PRKG1: variants seen among roughly 807,000 people sequenced by gnomAD.
PRKG1 encodes cGMP-dependent protein kinase 1.
A neutral mutation model predicts 88.1 loss-of-function variants in PRKG1; 35 were observed. That is an observed-to-expected ratio of 0.40 (90% CI 0.30 to 0.53). The LOEUF (loss-of-function observed/expected upper bound fraction) is 0.53. PRKG1 is among the 20% of genes least tolerant of loss of function. PRKG1 has a pLI of 0.59. For synonymous variants in PRKG1, 303 were observed against 292.5 expected (o/e 1.04, Z -0.37); for missense variants, 540 against 839.8 (o/e 0.64, Z 4.41).
At chr10:51,867,884 A>C (rs1841055147) in intron 4 of PRKG1, among the ~76,000 whole-genome samples, 2 of 152,226 alleles carry the variant, frequency 1.3e-5, no homozygotes, top group African/African-American at 4.8e-5. Flanking sequence ...ACAAACATAC[A>C]CAAAAATTTA....
chr10:51,060,770 A>G (rs544562729), intron 1 of PRKG1, among the ~76,000 whole-genome samples: 2 of 152,252 alleles, frequency 1.3e-5, no homozygotes, highest in East Asian at 1.9e-4. Context: ...ACATTTTATT[A>G]TCTCCTTTAG....
intron 5 of PRKG1, among the ~76,000 whole-genome samples, chr10:52,039,089 C>T (rs1233559870): frequency 1.3e-5 from 2 of 152,136 alleles, no homozygotes; most frequent in Non-Finnish European, 2.9e-5. Flanking sequence ...GGAGGTCCCC[C>T]GATCCGAGTC....
intron 3 of PRKG1, among the ~76,000 whole-genome samples, chr10:51,515,034 C>T (rs756624017): frequency 2.0e-5 from 3 of 152,090 alleles, no homozygotes; most frequent in African/African-American, 7.2e-5. Flanking sequence ...GTAAAGTTGT[C>T]TCTAGATATT....
intron 2 of PRKG1, among the ~76,000 whole-genome samples, chr10:51,180,524 A>C (rs1286273528): frequency 6.6e-6 from 1 of 152,220 alleles, no homozygotes; most frequent in Non-Finnish European, 1.5e-5. Context: ...AACATATATG[A>C]AAATGTAAGT....
chr10:51,094,086 C>T lies in PRKG1; in HGVS notation c.311+19185C>T, dbSNP rs530256324. 7.9e-5 allele frequency among the ~76,000 whole-genome samples: 12 copies of T among 151,976 alleles called. No homozygotes were observed. The East Asian group carries it at 1.5e-3, about 20-fold the overall frequency. Reference sequence around the variant, plus strand: ...GAACAATGAGTGCTGTTTGTCTATCCGGATCTAGGCTCTAAACTACTAGGG... The same window carrying T: ...GAACAATGAGTGCTGTTTGTCTATCTGGATCTAGGCTCTAAACTACTAGGG... On this transcript the variant is annotated intron_variant, in intron 1 of 17. Coordinates refer to ENST00000373980, the MANE Select transcript of PRKG1 (RefSeq NM_006258.4).
At chr10:52,054,955 C>A (rs1846075545) in intron 6 of PRKG1, among the ~76,000 whole-genome samples, 1 of 151,954 alleles carries the variant, frequency 6.6e-6, no homozygotes, top group African/African-American at 2.4e-5. Context: ...GGCAACATGC[C>A]AAAACCTCAT....
intron 12 of PRKG1, among the ~76,000 whole-genome samples, chr10:52,273,598 G>A (rs151278147): frequency 3.9e-5 from 6 of 152,050 alleles, no homozygotes; most frequent in South Asian, 2.1e-4. Context: ...AGGCCCTTTC[G>A]TGTTATTCCC....
At chr10:51,207,952 TA>T (rs1198815179) in intron 2 of PRKG1, among the ~76,000 whole-genome samples, 5 of 152,224 alleles carry the variant, frequency 3.3e-5, no homozygotes, top group African/African-American at 1.2e-4. Context: ...GGTAAGTTTT[TA>T]AAGGGACTAT....
intron 8 of PRKG1, among the ~76,000 whole-genome samples, chr10:52,134,810 C>T (rs1192377528): frequency 6.6e-6 from 1 of 152,106 alleles, no homozygotes; most frequent in Non-Finnish European, 1.5e-5. Flanking sequence ...GAAATTCTAC[C>T]TGATTTACAA....
Position 51,223,678 on chromosome 10 carries a change from G to A in PRKG1, c.478+70348G>A, listed in dbSNP as rs141166480. ...CTAATTTCTTCTTTTTATTCTTTTG[G>A]CCTATTTCCATTTTTAAATTTATTA... On this transcript the variant is annotated intron_variant, in intron 2 of 17. Coordinates refer to ENST00000373980, the MANE Select transcript of PRKG1 (RefSeq NM_006258.4). Among the ~76,000 whole-genome samples, 152 of 151,760 alleles carry A rather than the reference G, an allele frequency of 1.0e-3. 1 individual carries two copies. The East Asian group carries it at 0.026, about 26-fold the overall frequency.
chr10:52,090,593 CA>C (rs1209477273), intron 7 of PRKG1, among the ~76,000 whole-genome samples: 5 of 152,134 alleles, frequency 3.3e-5, no homozygotes, highest in Admixed American at 1.3e-4. Context: ...TTAATGAGTT[CA>C]AACTTTAAGG....
chr10:51,965,685 G>A (rs1443434271), intron 5 of PRKG1, among the ~76,000 whole-genome samples: 1 of 152,124 alleles, frequency 6.6e-6, no homozygotes, highest in African/African-American at 2.4e-5. Flanking sequence ...GAGGCACCAG[G>A]CAGTAACAGT....
chr10:52,104,634 G>A (rs1448730653), intron 7 of PRKG1, among the ~76,000 whole-genome samples: 1 of 152,098 alleles, frequency 6.6e-6, no homozygotes, highest in Admixed American at 6.6e-5. Context: ...CAAAGAGATG[G>A]ACTAAATGAT....
chr10:51,129,579 T>C (rs1845514264), intron 1 of PRKG1, among the ~76,000 whole-genome samples: 1 of 152,102 alleles, frequency 6.6e-6, no homozygotes, highest in Non-Finnish European at 1.5e-5. Flanking sequence ...AATTATAAGG[T>C]AGAGTCAAGT....
intron 3 of PRKG1, among the ~76,000 whole-genome samples, chr10:51,595,327 A>T (rs116019636): frequency 0.071 from 10,872 of 152,118 alleles, 1,265 homozygotes; most frequent in African/African-American, 0.25. Context: ...GTTTCAAAAA[A>T]TAAACAGATA....
At chr10:52,186,542 A>T (rs1839206400) in intron 9 of PRKG1, among the ~76,000 whole-genome samples, 1 of 152,084 alleles carries the variant, frequency 6.6e-6, no homozygotes. Context: ...TGATATTTGG[A>T]GGGGACAAGC....
chr10:51,383,904 C>T (rs16917293), intron 2 of PRKG1, among the ~76,000 whole-genome samples: 4,248 of 152,192 alleles, frequency 0.028, 190 homozygotes, highest in African/African-American at 0.094. Flanking sequence ...GTTGCTTGTA[C>T]TTCTTTATGT....
At chr10:51,473,174 TA>T (rs1373518186) in intron 3 of PRKG1, among the ~76,000 whole-genome samples, 2 of 151,918 alleles carry the variant, frequency 1.3e-5, no homozygotes, top group African/African-American at 4.8e-5. Context: ...ATTAGTAACA[TA>T]AATCCAATTA....
intron 3 of PRKG1, among the ~76,000 whole-genome samples, chr10:51,790,353 G>T (rs1174787705): frequency 6.6e-6 from 1 of 152,084 alleles, no homozygotes; most frequent in Non-Finnish European, 1.5e-5. Context: ...ACCATTAAAA[G>T]ACATAAATGA....
Sources: allele counts gnomAD v4.1 joint callset (sites outside exome capture counted in the v4.1 genomes callset), GRCh38; gene constraint gnomAD v4.1.1; transcripts MANE v1.5; gene names NCBI Gene and HGNC (gene_info 2026-07-23, HGNC 2026-07-21).